Variants in GAD1 observed in about 807,000 individuals in gnomAD.
The protein encoded by GAD1 is glutamate decarboxylase 1, also known as 67 kDa glutamic acid decarboxylase.
Under a neutral mutation model 75.2 loss-of-function variants are expected in GAD1, and 35 were observed. The observed-to-expected ratio is 0.47, with a 90% CI of 0.36 to 0.62. GAD1 has a LOEUF of 0.62. Ranked by LOEUF, GAD1 falls within the 20% of genes least tolerant of loss-of-function variation. GAD1 has a pLI of 0.00. For synonymous variants in GAD1, 257 were observed against 271.9 expected, an observed-to-expected ratio of 0.95 and a Z score of 0.54; for missense variants, 490 against 758.5, an observed-to-expected ratio of 0.65 and a Z score of 4.16.
intron 3 of GAD1, among the ~76,000 whole-genome samples, chr2:170,826,869 T>C (rs999177223): frequency 6.6e-6 from 1 of 152,200 alleles, no homozygotes; most frequent in Non-Finnish European, 1.5e-5. Flanking sequence ...GTCTCAGAGT[T>C]CAGGTGCCAT....
intron 11 of GAD1, 27 bp downstream of exon 11, chr2:170,847,819 C>A: frequency 6.7e-7 from 1 of 1,481,834 alleles, no homozygotes; most frequent in South Asian, 1.1e-5. Context: ...TCAGGCCAGT[C>A]CATGTGGGGG....
intron 3 of GAD1, among the ~76,000 whole-genome samples, chr2:170,823,510 C>G (rs1701945863): frequency 6.6e-6 from 1 of 152,212 alleles, no homozygotes; most frequent in East Asian, 1.9e-4. Context: ...GAAAGCCCAG[C>G]CCTGCCGCCG....
At chr2:170,822,252 G>C in intron 3 of GAD1, 103 bp downstream of exon 3, 4 of 980,234 alleles carry the variant, frequency 4.1e-6, no homozygotes, top group South Asian at 1.4e-5. Context: ...GGGCTCATGG[G>C]TCTGATTTTC....
At chr2:170,826,567 C>CAAAAAAA (rs34462898) in intron 3 of GAD1, among the ~76,000 whole-genome samples, 5 of 110,886 alleles carry the variant, frequency 4.5e-5, no homozygotes, top group Non-Finnish European at 7.0e-5. Flanking sequence ...GACTCCGTCT[C>CAAAAAAA]AAAAAAAAAA....
chr2:170,824,948 GTGTATGTA>G (rs1441184516), intron 3 of GAD1, among the ~76,000 whole-genome samples: 1 of 150,928 alleles, frequency 6.6e-6, no homozygotes, highest in Admixed American at 6.6e-5. Context: ...GTGTGTGTGT[GTGTATGTA>G]TGTGTGTGTA....
At chr2:170,826,118 T>C (rs922272449) in intron 3 of GAD1, among the ~76,000 whole-genome samples, 1 of 152,200 alleles carries the variant, frequency 6.6e-6, no homozygotes, top group African/African-American at 2.4e-5. Context: ...TGACAATATA[T>C]ATTATATGTT....
chr2:170,836,862 C>T lies in GAD1; in HGVS notation c.617C>T (p.Thr206Ile). ...ATTGGCCTAGCTGGAGAATGGCTGA[C>T]ATCAACGGCCAATACCAACATGTAA... ...DIIGLAGEWL[T>I]STANTNMFTY... is the part of the protein sequence containing the mutation. The change falls in exon 6 of 17, where the codon ACA (threonine) becomes ATA (isoleucine). Residue 206 changes from threonine (T) to isoleucine (I), a missense_variant. By Grantham distance (89) the Thr-to-Ile change is moderately conservative. This residue lies in a region of GAD1 where 324 missense variants were observed against 523.9 expected (regional missense o/e 0.62). Coordinates refer to ENST00000358196, the MANE Select transcript of GAD1 (RefSeq NM_000817.3). 6.2e-7 allele frequency: 1 copy of T among 1,613,492 alleles called. No homozygotes were observed.
At chr2:170,824,114 G>A (rs1701966399) in intron 3 of GAD1, among the ~76,000 whole-genome samples, 3 of 152,196 alleles carry the variant, frequency 2.0e-5, no homozygotes, top group Non-Finnish European at 4.4e-5. Context: ...GCTCCTGGGG[G>A]CTACAGTCCT....
In GAD1 at chr2:170,818,510, C is replaced by T; in HGVS notation, c.-63-19C>T. 1.5e-6 allele frequency: 2 copies of T among 1,321,048 alleles called. No individual in the cohort carries two copies. The highest frequency in any genetic ancestry group is 2.3e-5 in the South Asian group (2 of 85,160). 81.8% of individuals were successfully genotyped at this position (1,321,048 alleles called of 1,614,324 possible). ...GACCCCGGAAGTCCTCCCCGCACAGCTCTCGCTTCTCTTTGCAGCCTGTTT... is the reference window on the plus strand; with the variant it reads ...GACCCCGGAAGTCCTCCCCGCACAGTTCTCGCTTCTCTTTGCAGCCTGTTT... On this transcript the variant is annotated intron_variant, in intron 1 of 16. Transcript: ENST00000358196. The surrounding 1 kb of genome is among the most constrained non-coding windows in gnomAD (Gnocchi z 5.9).
chr2:170,847,564 G>T, intron 10 of GAD1, 112 bp from the exon 11 acceptor site: 1 of 804,844 alleles, frequency 1.2e-6, no homozygotes. Context: ...TAATACATAA[G>T]TTTTGCCATT....
Position 170,834,395 on chromosome 2 carries a change from C to T in GAD1, c.548-2398C>T, listed in dbSNP as rs183815948. On this transcript the variant is annotated intron_variant, in intron 5 of 16. Transcript: ENST00000358196. ...TTTTAATAGTGAAAACATACTGATC[C>T]GGGTATAGTCTGTGAAGAGATGATG... Among the ~76,000 whole-genome samples the T allele has an allele frequency of 1.3e-4, 20 of 152,202 alleles. 1 individual carries two copies. The highest frequency in any genetic ancestry group is 4.3e-4 in the African/African-American group (18 of 41,516).
chr2:170,814,389 T>C (rs1205842801), upstream of GAD1, among the ~76,000 whole-genome samples: 1 of 152,320 alleles, frequency 6.6e-6, no homozygotes, highest in East Asian at 1.9e-4. Context: ...ATCTATGCCC[T>C]ACCTCAAAAC....
At chr2:170,828,028 A>C (rs6753612) in intron 3 of GAD1, among the ~76,000 whole-genome samples, 150,167 of 151,268 alleles carry the variant, frequency 0.99, 74,544 homozygotes, top group East Asian at 1. Context: ...GGACCTCACT[A>C]CTTCTCCTTC....
rs1702928511 is a variant in GAD1, at chr2:170,859,998, CT to C, written c.*118del. The C allele has an allele frequency of 2.1e-6, 2 of 937,166 alleles. No individual in the cohort carries two copies. Among genetic ancestry groups the C allele is most frequent in the Non-Finnish European group, 3.4e-6 (2 of 592,496 alleles). The allele number at this position is 937,166 out of a possible 1,614,324, so 58.1% of individuals were successfully genotyped here. ...ATTTCATTGAGGGAAAACATAATAT[CT>C]TGAAGAATATTGTTAAAACCTTACT... is the stretch of plus-strand genomic sequence containing the variant. On this transcript the variant is annotated 3_prime_UTR_variant, in exon 17 of 17. Coordinates refer to ENST00000358196, the MANE Select transcript of GAD1 (RefSeq NM_000817.3).
chr2:170,856,945 G>T, intron 14 of GAD1, 73 bp from the exon 15 acceptor site: 3 of 1,163,010 alleles, frequency 2.6e-6, no homozygotes, highest in Non-Finnish European at 3.9e-6. Context: ...CCATAGACAG[G>T]GACAGCATAG....
chr2:170,832,345 G>A (rs1702252496), intron 5 of GAD1, among the ~76,000 whole-genome samples: 1 of 152,124 alleles, frequency 6.6e-6, no homozygotes, highest in Non-Finnish European at 1.5e-5. Context: ...TTGTTGGCTT[G>A]TAGATGCATC....
intron 3 of GAD1, among the ~76,000 whole-genome samples, chr2:170,824,887 C>T (rs549783632): frequency 6.6e-6 from 1 of 152,158 alleles, no homozygotes; most frequent in African/African-American, 2.4e-5. Context: ...TTATCTCTTG[C>T]TGCCAACTAC....
At chr2:170,841,015 G>A (rs4668328) in intron 6 of GAD1, among the ~76,000 whole-genome samples, 3,265 of 152,224 alleles carry the variant, frequency 0.021, 127 homozygotes, top group Admixed American at 0.1. Context: ...TTCCCTACTC[G>A]GAATATAGAC....
intron 2 of GAD1, among the ~76,000 whole-genome samples, chr2:170,820,799 A>AAC (rs2105754602): frequency 6.6e-6 from 1 of 152,306 alleles, no homozygotes; most frequent in South Asian, 2.1e-4. Flanking sequence ...AAACTCATGT[A>AAC]ACCTCTCTGA....
Sources: allele counts gnomAD v4.1 joint callset (sites outside exome capture counted in the v4.1 genomes callset), GRCh38; gene constraint gnomAD v4.1.1; regional missense constraint gnomAD v4.1.1; non-coding constraint Gnocchi (gnomAD v3.1); transcripts MANE v1.5; gene names NCBI Gene and HGNC (gene_info 2026-07-23, HGNC 2026-07-21).